PRKG1: variants seen among roughly 807,000 people sequenced by gnomAD.
PRKG1 encodes protein kinase cGMP-dependent 1.
Under a neutral mutation model 88.1 loss-of-function variants are expected in PRKG1, and 35 were observed. The observed-to-expected ratio is 0.40, with a 90% CI of 0.30 to 0.53. The LOEUF is 0.53. Among genes scored for constraint, PRKG1 ranks in the 20% least tolerant of loss-of-function variants. The pLI is 0.59. For synonymous variants in PRKG1, 303 were observed against 292.5 expected (o/e 1.04, Z -0.37); for missense variants, 540 against 839.8 (o/e 0.64, Z 4.41).
chr10:52,128,802 A>G (rs1391640212), intron 7 of PRKG1, among the ~76,000 whole-genome samples: 5 of 152,202 alleles, frequency 3.3e-5, no homozygotes, highest in Admixed American at 2.0e-4. Flanking sequence ...GAAATCAACT[A>G]ATACAGAGGC....
In PRKG1 at chr10:51,094,966, T is replaced by C. The variant is rs899835475; in HGVS notation, c.311+20065T>C. Among the ~76,000 whole-genome samples the C allele has an allele frequency of 2.6e-5, 4 of 152,146 alleles. 1 individual carries two copies. In the South Asian group the frequency reaches 6.2e-4, roughly 24 times the overall value. Reference sequence around the variant, plus strand: ...ACTTGATCAAAGTCACAGCGTAGTATACAAATAAAAGCTGAATTTGAACTC... The same window carrying C: ...ACTTGATCAAAGTCACAGCGTAGTACACAAATAAAAGCTGAATTTGAACTC... On this transcript the variant is annotated intron_variant, in intron 1 of 17. Transcript: ENST00000373980.
intron 3 of PRKG1, among the ~76,000 whole-genome samples, chr10:51,663,302 A>G (rs1212933248): frequency 6.6e-6 from 1 of 152,090 alleles, no homozygotes; most frequent in African/African-American, 2.4e-5. Flanking sequence ...AGAAACTCTA[A>G]AAGAACTCAC....
At chr10:51,215,098 A>C (rs1182934977) in intron 2 of PRKG1, among the ~76,000 whole-genome samples, 1 of 152,202 alleles carries the variant, frequency 6.6e-6, no homozygotes, top group Non-Finnish European at 1.5e-5. Flanking sequence ...AGAGAAAACA[A>C]TGCGAATCAT....
At chr10:52,169,391 A>G (rs956474064) in intron 9 of PRKG1, among the ~76,000 whole-genome samples, 2 of 152,164 alleles carry the variant, frequency 1.3e-5, no homozygotes, top group Non-Finnish European at 2.9e-5. Context: ...CTGTAACCTC[A>G]CATGGCAGAA....
At chr10:51,526,531 C>A (rs1841888227) in intron 3 of PRKG1, among the ~76,000 whole-genome samples, 1 of 152,074 alleles carries the variant, frequency 6.6e-6, no homozygotes, top group Non-Finnish European at 1.5e-5. Flanking sequence ...TCCAATGTAC[C>A]CTTCCCTAAT....
At chr10:52,034,154 C>T (rs1291906269) in intron 5 of PRKG1, among the ~76,000 whole-genome samples, 7 of 152,186 alleles carry the variant, frequency 4.6e-5, no homozygotes, top group African/African-American at 7.2e-5. Context: ...TCTGGGCGTA[C>T]ATGTGCAAAT....
intron 3 of PRKG1, among the ~76,000 whole-genome samples, chr10:51,667,537 G>A (rs910197234): frequency 6.6e-6 from 1 of 151,838 alleles, no homozygotes; most frequent in African/African-American, 2.4e-5. Flanking sequence ...AAAATAAGAG[G>A]TGACATTTCA....
intron 8 of PRKG1, among the ~76,000 whole-genome samples, chr10:52,158,108 A>G (rs1320570428): frequency 3.3e-5 from 5 of 151,758 alleles, no homozygotes; most frequent in Admixed American, 6.6e-5. Context: ...TAAGTTTAGC[A>G]TGTAGAAATT....
intron 7 of PRKG1, among the ~76,000 whole-genome samples, chr10:52,100,343 T>C (rs1847268479): frequency 1.3e-5 from 2 of 152,238 alleles, no homozygotes; most frequent in African/African-American, 4.8e-5. Context: ...GGAGCACTAA[T>C]GGACTACGTG....
chr10:52,007,384 C>A (rs1844764800), intron 5 of PRKG1, among the ~76,000 whole-genome samples: 1 of 137,282 alleles, frequency 7.3e-6, no homozygotes, highest in African/African-American at 2.7e-5. Context: ...AAGAGACCCA[C>A]CTCATATACA....
At chr10:52,148,872 G>A (rs1330657168) in intron 8 of PRKG1, among the ~76,000 whole-genome samples, 2 of 151,326 alleles carry the variant, frequency 1.3e-5, no homozygotes, top group African/African-American at 4.9e-5. Context: ...GGCAGCAATA[G>A]GCTGAGAATT....
chr10:51,776,689 G>C (rs1838446029), intron 3 of PRKG1, among the ~76,000 whole-genome samples: 1 of 152,040 alleles, frequency 6.6e-6, no homozygotes, highest in Admixed American at 6.6e-5. Flanking sequence ...GTCAGGTGTG[G>C]TGGGACACAC....
At chr10:52,108,614 C>T (rs1239094187) in intron 7 of PRKG1, among the ~76,000 whole-genome samples, 2 of 152,092 alleles carry the variant, frequency 1.3e-5, no homozygotes, top group African/African-American at 4.8e-5. Flanking sequence ...GTTTATTCCT[C>T]TTATGATGTT....
In PRKG1 at chr10:50,991,582, G is replaced by C; in HGVS notation, c.204G>C (p.Pro68=). Residue 68 remains proline (P), a synonymous_variant, in exon 1 of 18, where the codon CCG becomes CCC. Transcript: ENST00000401604. The surrounding 1 kb of genome is among the most constrained non-coding windows in gnomAD (Gnocchi z 4.5). ...GGGCGCAGGGCATCTCGGCCGAGCCGCAGACGTACAGGTCCTTCCACGACC... is the reference window on the plus strand; with the variant it reads ...GGGCGCAGGGCATCTCGGCCGAGCCCCAGACGTACAGGTCCTTCCACGACC... 6.3e-7 allele frequency: 1 copy of C among 1,598,964 alleles called. No individual in the cohort carries two copies. Among genetic ancestry groups the C allele is most frequent in the Non-Finnish European group, 8.5e-7 (1 of 1,173,742 alleles).
intron 1 of PRKG1, among the ~76,000 whole-genome samples, chr10:51,046,880 C>T (rs1309547395): frequency 1.3e-5 from 2 of 152,138 alleles, no homozygotes; most frequent in Admixed American, 6.5e-5. Context: ...TCTTGGAGCA[C>T]GCTTGGAATA....
At chr10:52,095,176 G>T (rs904209491) in intron 7 of PRKG1, among the ~76,000 whole-genome samples, 8 of 151,972 alleles carry the variant, frequency 5.3e-5, no homozygotes, top group Admixed American at 2.0e-4. Context: ...AACATACCAG[G>T]CACTCTGGCC....
intron 2 of PRKG1, among the ~76,000 whole-genome samples, chr10:51,200,092 G>A (rs1189516369): frequency 1.3e-5 from 2 of 152,180 alleles, no homozygotes; most frequent in African/African-American, 4.8e-5. Context: ...GGTGGCATGT[G>A]GGCTAACACT....
At chr10:51,338,583 T>G (rs1384385242) in intron 2 of PRKG1, among the ~76,000 whole-genome samples, 1 of 152,180 alleles carries the variant, frequency 6.6e-6, no homozygotes, top group Non-Finnish European at 1.5e-5. Context: ...GAATTCTCAA[T>G]GGGAAGCATC....
In PRKG1 at chr10:51,566,525, C is replaced by A. The variant is rs144670196; in HGVS notation, c.592+98689C>A. ...AACTAGCTTTCTAGTAGATTATATA[C>A]ACAGTGAGTTTATATTTTTGAAAAT... On this transcript the variant is annotated intron_variant, in intron 3 of 17. Coordinates refer to ENST00000373980, the MANE Select transcript of PRKG1 (RefSeq NM_006258.4). 5.3e-5 allele frequency among the ~76,000 whole-genome samples: 8 copies of A among 152,112 alleles called. No homozygotes were observed. In the South Asian group the frequency reaches 6.2e-4, roughly 12 times the overall value.
Sources: allele counts gnomAD v4.1 joint callset (sites outside exome capture counted in the v4.1 genomes callset), GRCh38; gene constraint gnomAD v4.1.1; non-coding constraint Gnocchi (gnomAD v3.1); transcripts MANE v1.5; gene names NCBI Gene and HGNC (gene_info 2026-07-23, HGNC 2026-07-21).